SBF1: variants seen among roughly 807,000 people sequenced by gnomAD.
SBF1 encodes myotubularin-related protein 5.
In SBF1, 65 loss-of-function variants were observed where a neutral mutation model predicts 215.8. That is an observed-to-expected ratio of 0.30 (90% CI 0.25 to 0.37). The LOEUF is 0.37. Ranked by LOEUF, SBF1 falls within the 10% of genes least tolerant of loss-of-function variation. The probability of loss-of-function intolerance (pLI) is 1.00; values close to 1 mark genes in which losing one functional copy is unlikely to be tolerated. For missense variants in SBF1, 2,634 were observed against 2,667.8 expected, an observed-to-expected ratio of 0.99 and a Z score of 0.28; for synonymous variants, 1,410 against 1,122.8, an observed-to-expected ratio of 1.26 and a Z score of -5.11.
Position 50,456,594 on chromosome 22 carries a change from G to T in SBF1, c.3984C>A (p.Asp1328Glu), listed in dbSNP as rs375822676. ...CGTTGGCCTGGGGTGGGGCCAGCGC[G>T]TCTCTGCCAGCTAGCCGGGAGCCCA... ...TDVGSRLAGR[D>E]ALAPPQANGG... The change falls in exon 30 of 41, where the codon GAC (aspartate) becomes GAA (glutamate). Residue 1328 changes from aspartate (D) to glutamate (E), a missense_variant. Physicochemically the swap from Asp to Glu is conservative, Grantham distance 45 (BLOSUM62 2). Transcript: ENST00000380817. 5.2e-6 allele frequency: 8 copies of T among 1,538,856 alleles called. No individual in the cohort carries two copies. Among genetic ancestry groups the T allele is most frequent in the Admixed American group, 2.0e-5 (1 of 49,080 alleles).
chr22:50,459,763 G>A (rs1383666537), intron 26 of SBF1, 97 bp from the exon 27 acceptor site: 1 of 1,380,406 alleles, frequency 7.2e-7, no homozygotes, highest in Non-Finnish European at 9.7e-7. Context: ...ATGGCTCCCA[G>A]CAGGAGGCGC....
At chr22:50,456,921 T>C in intron 29 of SBF1, 113 bp downstream of exon 29, 1 of 914,712 alleles carries the variant, frequency 1.1e-6, no homozygotes, top group Non-Finnish European at 1.5e-6. Context: ...GGGAGACGGG[T>C]CGTTAGTGTC....
At position 50,465,759 on chromosome 22, in the gene SBF1, C is replaced by A; in HGVS notation, c.1089+4G>T. The A allele has an allele frequency of 1.3e-6, 2 of 1,599,688 alleles. No homozygotes were observed. The highest frequency in any genetic ancestry group is 1.7e-5 in the Admixed American group (1 of 57,924). On this transcript the variant is annotated splice_donor_region_variant and intron_variant, in intron 10 of 40. Coordinates refer to ENST00000380817, the MANE Select transcript of SBF1 (RefSeq NM_002972.4). ...CCCCATGCAGGAGCAGCAACGACCC[C>A]CACCTGCATCTTCAGGGAGGAGGTG...
chr22:50,451,670 G>C (rs965201828), intron 36 of SBF1, among the ~76,000 whole-genome samples: 3 of 152,012 alleles, frequency 2.0e-5, no homozygotes, highest in African/African-American at 7.2e-5. Context: ...AATTGCTGAA[G>C]CCAAAATTAA....
At chr22:50,456,992 C>A (rs764006832) in intron 29 of SBF1, 42 bp downstream of exon 29, 35 of 1,384,572 alleles carry the variant, frequency 2.5e-5, no homozygotes, top group Non-Finnish European at 3.1e-5. Flanking sequence ...GCCGCCAGCA[C>A]CAAGTAAGGG....
At chr22:50,467,149 G>A (rs2067801691) in intron 5 of SBF1, 189 bp downstream of exon 5, 5 of 605,426 alleles carry the variant, frequency 8.3e-6, no homozygotes, top group South Asian at 7.9e-5. Context: ...AACGACACAG[G>A]CCCAGAGCAC....
In SBF1 at chr22:50,465,963, T is replaced by G. The variant is rs368593680; in HGVS notation, c.1009A>C (p.Met337Leu). 6.2e-7 allele frequency: 1 copy of G among 1,613,752 alleles called. No homozygotes were observed. The highest frequency in any genetic ancestry group is 1.3e-5 in the African/African-American group (1 of 74,948). Residue 337 changes from methionine (M) to leucine (L), a missense_variant and splice_region_variant, in exon 9 of 41, where the codon ATG becomes CTG. By Grantham distance (15) the Met-to-Leu change is conservative. Transcript: ENST00000380817. ...CGCTTGCCCATGGTGCCCCTCACCATGCTCAGCACACTGTGCGTCTGACTC... is the reference window on the plus strand; with the variant it reads ...CGCTTGCCCATGGTGCCCCTCACCAGGCTCAGCACACTGTGCGTCTGACTC... ...LQSQTHSVLSMVLDPELELAD... is the reference protein window; with the variant it reads ...LQSQTHSVLSLVLDPELELAD...
chr22:50,448,111 G>C (rs1603430273), intron 38 of SBF1, 122 bp downstream of exon 38: 1 of 868,280 alleles, frequency 1.2e-6, no homozygotes, highest in East Asian at 2.6e-5. Flanking sequence ...ACCCCTCCCA[G>C]TGGTGGTGTA....
Position 50,467,884 on chromosome 22 carries a change from T to C in SBF1, c.181A>G (p.Asn61Asp). 1 of 1,613,790 alleles carries C rather than the reference T, an allele frequency of 6.2e-7. No homozygotes were observed. Among genetic ancestry groups the C allele is most frequent in the Non-Finnish European group, 8.5e-7 (1 of 1,179,918 alleles). Residue 61 changes from asparagine (N) to aspartate (D), a missense_variant, in exon 3 of 41, where the codon AAT (asparagine) becomes GAT (aspartate). By Grantham distance (23) the Asn-to-Asp change is conservative. Transcript: ENST00000380817. ...ACAGCAACAAAGAAGGTCGGTGGATTCCTCTCGGGACACAGCTGCCACCCG... is the reference window on the plus strand; with the variant it reads ...ACAGCAACAAAGAAGGTCGGTGGATCCCTCTCGGGACACAGCTGCCACCCG... Reference protein sequence around the residue: ...PSGWQLCPERNPPTFFVAVLT... With the variant: ...PSGWQLCPERDPPTFFVAVLT...
intron 10 of SBF1, 62 bp from the exon 11 acceptor site, chr22:50,465,390 A>G (rs964100302): frequency 1.4e-6 from 2 of 1,441,126 alleles, no homozygotes; most frequent in Non-Finnish European, 1.9e-6. Flanking sequence ...CAGGCTGCCC[A>G]GGAGCTTCTC....
chr22:50,474,722 AGCCCCTGGCCCTCAGCACTCGACCCTCG>A lies in SBF1; in HGVS notation c.55+36_55+63del, dbSNP rs1257297311. On this transcript the variant is annotated intron_variant, in intron 1 of 40. Coordinates refer to ENST00000380817, the MANE Select transcript of SBF1 (RefSeq NM_002972.4). The stretch of plus-strand genomic sequence containing the variant: ...CCCCCGGCCCTCGACCCTCAGACCC[AGCCCCTGGCCCTCAGCACTCGACCCTCG>A]GCCCCCGGCCCTCAGCGCTTGGCCT... 3.4e-4 allele frequency: 419 copies of A among 1,214,600 alleles called. 1 individual carries two copies. The African/African-American group carries it at 4.6e-3, about 13-fold the overall frequency. The allele number at this position is 1,214,600 out of a possible 1,614,324, so 75.2% of individuals were successfully genotyped here. A position where few individuals can be genotyped will look rare whatever the true frequency, so the allele number is the denominator to read the frequency against.
In SBF1 at chr22:50,445,717, A is replaced by AC. The variant is rs1375472732; in HGVS notation, c.*1424dup. 14 of 152,182 alleles carry AC rather than the reference A, an allele frequency of 9.2e-5. No individual in the cohort carries two copies. The highest frequency in any genetic ancestry group is 9.2e-4 in the Admixed American group (14 of 15,278). 9.4% of individuals were successfully genotyped at this position (152,182 alleles called of 1,614,324 possible). The stretch of plus-strand genomic sequence containing the variant: ...CAGTGGCTCAAGTGAGCCCACCCTC[A>AC]CATCTCGCCCAGGTGTCCCAACACC... On this transcript the variant is annotated 3_prime_UTR_variant, in exon 41 of 41. Transcript: ENST00000380817.
chr22:50,460,739 G>T, intron 23 of SBF1, 27 bp from the exon 24 acceptor site: 1 of 1,600,230 alleles, frequency 6.2e-7, no homozygotes, highest in Non-Finnish European at 8.5e-7. Context: ...AGCCCTTAGG[G>T]GTGTGGGTGG....
In SBF1 at chr22:50,465,986, C is replaced by A. The variant is rs756446537; in HGVS notation, c.986G>T (p.Ser329Ile). Residue 329 changes from serine to isoleucine, a missense_variant, in exon 9 of 41, where the codon AGT (serine) becomes ATT (isoleucine). Ser to Ile is a moderately radical substitution (Grantham distance 142). Transcript: ENST00000380817. ...HIPPLPEPLQ[S>I]QTHSVLSMVL... ...CATGCTCAGCACACTGTGCGTCTGA[C>A]TCTGCAGTGGCTCTGGCAAGGGTGG... is the stretch of plus-strand genomic sequence containing the variant. The A allele has an allele frequency of 6.2e-7, 1 of 1,614,072 alleles. No homozygotes were observed.
intron 38 of SBF1, 82 bp from the exon 39 acceptor site, chr22:50,447,691 TG>T: frequency 9.7e-7 from 1 of 1,028,090 alleles, no homozygotes; most frequent in Non-Finnish European, 1.5e-6. Context: ...CCCCCCTTGC[TG>T]TCCCAGCCCA....
chr22:50,468,841 T>G (rs979850572), intron 1 of SBF1, among the ~76,000 whole-genome samples: 1 of 151,726 alleles, frequency 6.6e-6, no homozygotes, highest in African/African-American at 2.4e-5. Context: ...CCCCCAACAG[T>G]GGGCATCCCC....
rs760223214 is a variant in SBF1, at chr22:50,460,442, A to G, written c.3147-34T>C. ...CACGAGAGTCAGCAAAGGTGAGAGG[A>G]GGAGGGACAAAGATGAGCACAGGGG... On this transcript the variant is annotated intron_variant, in intron 24 of 40. Transcript: ENST00000380817. 3.7e-6 allele frequency: 6 copies of G among 1,602,414 alleles called. No individual in the cohort carries two copies. The East Asian group carries it at 1.3e-4, about 36-fold the overall frequency.
rs780215637 is a variant in SBF1, at chr22:50,465,111, G to A, written c.1222C>T (p.Arg408Cys). 14 of 1,613,932 alleles carry A rather than the reference G, an allele frequency of 8.7e-6. No individual in the cohort carries two copies. In the Admixed American group the frequency reaches 1.3e-4, roughly 15 times the overall value. The change falls in exon 12 of 41, where the codon CGT (arginine) becomes TGT (cysteine). Residue 408 changes from arginine to cysteine, a missense_variant. Arg to Cys is a radical substitution (Grantham distance 180, BLOSUM62 -3). Coordinates refer to ENST00000380817, the MANE Select transcript of SBF1 (RefSeq NM_002972.4). The part of the protein sequence containing the change: ...RFHKAAFLGQ[R>C]GLVEDDFLMK... ...AGGAAATCGTCCTCTACCAGCCCACGCTGGCCCAGGAAGGCTGCCTGGATG... is the reference window on the plus strand; with the variant it reads ...AGGAAATCGTCCTCTACCAGCCCACACTGGCCCAGGAAGGCTGCCTGGATG...
intron 1 of SBF1, among the ~76,000 whole-genome samples, chr22:50,473,707 A>G (rs1004409372): frequency 3.4e-4 from 52 of 152,284 alleles, no homozygotes; most frequent in African/African-American, 1.2e-3. Context: ...CTGACAAAAA[A>G]CAGGGTAACT....
Sources: gnomAD v4.1 joint callset for allele counts (sites outside exome capture counted in the v4.1 genomes callset) on GRCh38, gnomAD v4.1.1 for gene constraint, MANE v1.5 for transcripts, NCBI Gene and HGNC (gene_info 2026-07-23, HGNC 2026-07-21) for gene names.